The following SGCZ variants were observed in gnomAD, a reference collection of about 807,000 sequenced individuals.
SGCZ encodes sarcoglycan zeta, also known as zeta-sarcoglycan.
SGCZ carries 40 observed loss-of-function variants against 41.3 expected under a neutral mutation model. The ratio of observed to expected loss-of-function variants is 0.97; its 90% confidence interval spans 0.75 to 1.26. SGCZ has a LOEUF of 1.26. SGCZ is among the 50% of genes most tolerant of loss of function. The probability of loss-of-function intolerance (pLI) is 0.00; values close to 1 mark genes in which losing one functional copy is unlikely to be tolerated. For synonymous variants in SGCZ, 206 were observed against 137.5 expected, an observed-to-expected ratio of 1.50 and a Z score of -3.49; for missense variants, 552 against 369.8, an observed-to-expected ratio of 1.49 and a Z score of -4.04.
intron 2 of SGCZ, among the ~76,000 whole-genome samples, chr8:14,503,894 G>T (rs1020255376): frequency 2.0e-5 from 3 of 152,090 alleles, no homozygotes; most frequent in East Asian, 1.9e-4. Flanking sequence ...TAAAACCTTT[G>T]AAGTTTAAAA....
At chr8:14,250,529 T>C (rs1799248358) in intron 3 of SGCZ, among the ~76,000 whole-genome samples, 1 of 152,156 alleles carries the variant, frequency 6.6e-6, no homozygotes, top group African/African-American at 2.4e-5. Context: ...AAACCTGCAG[T>C]GTGCTAGCCT....
intron 1 of SGCZ, among the ~76,000 whole-genome samples, chr8:14,610,911 G>C (rs894470782): frequency 6.6e-6 from 1 of 152,132 alleles, no homozygotes; most frequent in Non-Finnish European, 1.5e-5. Flanking sequence ...TAACCCAATA[G>C]TTTTTACCAC....
chr8:14,308,959 CAG>C (rs1801434982), intron 3 of SGCZ: 1 of 647,808 alleles, frequency 1.5e-6, no homozygotes, highest in Non-Finnish European at 2.7e-6. Flanking sequence ...ATTGGCACTT[CAG>C]AGTTTCAGTG....
chr8:14,776,188 G>C (rs924712480), intron 1 of SGCZ, among the ~76,000 whole-genome samples: 24 of 152,144 alleles, frequency 1.6e-4, no homozygotes, highest in Admixed American at 2.6e-4. Context: ...GATATGGTTT[G>C]ACTGTGTCTC....
chr8:14,395,556 C>T (rs145423153), intron 2 of SGCZ, among the ~76,000 whole-genome samples: 4 of 152,178 alleles, frequency 2.6e-5, no homozygotes, highest in East Asian at 3.9e-4. Flanking sequence ...CTACTCTAAA[C>T]AAGAAAGAAA....
chr8:14,184,008 T>C (rs1364544076), intron 4 of SGCZ, among the ~76,000 whole-genome samples: 1 of 152,102 alleles, frequency 6.6e-6, no homozygotes, highest in Non-Finnish European at 1.5e-5. Flanking sequence ...AATATATAAA[T>C]ATCGATTTTA....
intron 1 of SGCZ, among the ~76,000 whole-genome samples, chr8:15,130,961 G>A (rs918917615): frequency 3.9e-5 from 6 of 151,956 alleles, no homozygotes; most frequent in Non-Finnish European, 5.9e-5. Context: ...TGCTAGATAC[G>A]GGGCTTACAA....
chr8:14,290,195 G>A (rs1393499735), intron 3 of SGCZ, among the ~76,000 whole-genome samples: 3 of 151,934 alleles, frequency 2.0e-5, no homozygotes, highest in Non-Finnish European at 1.5e-5. Context: ...ACTCAAAATG[G>A]ATAAAAGCCT....
At chr8:14,776,518 C>CTTTTTTTTTT (rs35602866) in intron 1 of SGCZ, among the ~76,000 whole-genome samples, 2 of 116,636 alleles carry the variant, frequency 1.7e-5, no homozygotes, top group Admixed American at 1.0e-4. Context: ...TTTTCTTTTT[C>CTTTTTTTTTT]TTTTTTTTTT....
At chr8:15,216,711 G>A (rs959076975) in intron 1 of SGCZ, among the ~76,000 whole-genome samples, 2 of 152,106 alleles carry the variant, frequency 1.3e-5, no homozygotes, top group Non-Finnish European at 2.9e-5. Context: ...TAAAGGGCAA[G>A]TATTTTAAAG....
intron 1 of SGCZ, among the ~76,000 whole-genome samples, chr8:15,023,331 G>A (rs547877046): frequency 9.6e-4 from 146 of 152,264 alleles, no homozygotes; most frequent in African/African-American, 3.3e-3. Flanking sequence ...AGTGTCTACC[G>A]TGAAACCTGC....
At chr8:14,691,439 T>C (rs1236757172) in intron 1 of SGCZ, among the ~76,000 whole-genome samples, 1 of 152,074 alleles carries the variant, frequency 6.6e-6, no homozygotes, top group Non-Finnish European at 1.5e-5. Flanking sequence ...TACCAAAGGA[T>C]GACCTAGCGT....
intron 5 of SGCZ, among the ~76,000 whole-genome samples, chr8:14,122,486 T>C (rs1483776056): frequency 6.6e-6 from 1 of 152,202 alleles, no homozygotes; most frequent in African/African-American, 2.4e-5. Context: ...GAACAGTCCA[T>C]GTAGGTTCAT....
rs186871972 is a variant in SGCZ, at chr8:15,230,212, G to C, written c.39+7373C>G. On this transcript the variant is annotated intron_variant, in intron 1 of 7. Transcript: ENST00000382080. ...AAAAAAAAAAAAAAAACTGTAATGTGAACCACTACTTTGCAACAAGATTAA... is the reference window on the plus strand; with the variant it reads ...AAAAAAAAAAAAAAAACTGTAATGTCAACCACTACTTTGCAACAAGATTAA... Among the ~76,000 whole-genome samples the C allele has an allele frequency of 3.0e-3, 446 of 149,900 alleles. 1 individual carries two copies. Among genetic ancestry groups the C allele is most frequent in the African/African-American group, 0.011 (433 of 40,804 alleles).
intron 1 of SGCZ, among the ~76,000 whole-genome samples, chr8:14,587,389 A>AAT (rs201884823): frequency 0.11 from 16,740 of 148,458 alleles, 1,169 homozygotes; most frequent in East Asian, 0.34. Flanking sequence ...AAAAAAAAAA[A>AAT]GTTTGGGTGT....
At chr8:14,509,983 C>G (rs892028994) in intron 2 of SGCZ, among the ~76,000 whole-genome samples, 1 of 152,022 alleles carries the variant, frequency 6.6e-6, no homozygotes, top group Non-Finnish European at 1.5e-5. Context: ...TGGGTCCCTA[C>G]CTCAACACAT....
chr8:14,860,027 G>A (rs187629302), intron 1 of SGCZ, among the ~76,000 whole-genome samples: 1 of 152,180 alleles, frequency 6.6e-6, no homozygotes, highest in Non-Finnish European at 1.5e-5. Context: ...GAATTGATAA[G>A]AATCAAGGAA....
chr8:14,860,589 GA>G (rs1367303420), intron 1 of SGCZ, among the ~76,000 whole-genome samples: 2 of 145,324 alleles, frequency 1.4e-5, no homozygotes, highest in East Asian at 4.0e-4. Context: ...AAGAAAGAAA[GA>G]AGAAAAGGAA....
rs193138685 is a variant in SGCZ at position 14,170,941 on chromosome 8, A to G, written c.425-6239T>C. Among the ~76,000 whole-genome samples, 379 of 152,164 alleles carry G rather than the reference A, an allele frequency of 2.5e-3. 1 individual carries two copies. Among genetic ancestry groups the G allele is most frequent in the African/African-American group, 8.5e-3 (353 of 41,530 alleles). On this transcript the variant is annotated intron_variant, in intron 4 of 7. Coordinates refer to ENST00000382080, the MANE Select transcript of SGCZ (RefSeq NM_139167.4). ...GCATTTCAGGTCATTACTTTTGAAG[A>G]AAAAAAGGATAATAATCCTAGTGTC...
Sources: gnomAD v4.1 joint callset for allele counts (sites outside exome capture counted in the v4.1 genomes callset) on GRCh38, gnomAD v4.1.1 for gene constraint, MANE v1.5 for transcripts, NCBI Gene and HGNC (gene_info 2026-07-23, HGNC 2026-07-21) for gene names.